The following XPNPEP3 variants were observed in gnomAD, a reference collection of about 807,000 sequenced individuals.
XPNPEP3 encodes X-prolyl aminopeptidase 3, also known as xaa-Pro aminopeptidase 3.
Under a neutral mutation model 60.0 loss-of-function variants are expected in XPNPEP3, and 41 were observed. The observed-to-expected ratio is 0.68, with a 90% CI of 0.53 to 0.89. The LOEUF (loss-of-function observed/expected upper bound fraction) is 0.89, where lower values mean the gene tolerates loss of function less well. Ranked by LOEUF, XPNPEP3 falls within the 40% of genes least tolerant of loss-of-function variation. The probability of loss-of-function intolerance (pLI) is 0.00; values close to 1 mark genes in which losing one functional copy is unlikely to be tolerated. For missense variants in XPNPEP3, 598 were observed against 638.9 expected (o/e 0.94, Z 0.69); for synonymous variants, 212 against 223.2 (o/e 0.95, Z 0.45).
rs1465777079 is a variant in XPNPEP3, at chr22:40,886,469, C to T, written c.746C>T (p.Pro249Leu). The change falls in exon 4 of 10, where the codon CCT (proline) becomes CTT (leucine). Residue 249 changes from proline (P) to leucine (L), a missense_variant. Pro to Leu is a moderately conservative substitution (Grantham distance 98). Transcript: ENST00000357137. Reference protein sequence around the residue: ...LIQRLRLIKSPAEIERMQIAG... With the variant: ...LIQRLRLIKSLAEIERMQIAG... ...CAGCGCCTCCGGCTGATCAAGTCTC[C>T]TGCAGAAATTGAACGAATGCAGATT... 2.5e-6 allele frequency: 4 copies of T among 1,613,984 alleles called. No homozygotes were observed. The Admixed American group carries it at 5.0e-5, about 20-fold the overall frequency.
chr22:40,922,576 T>C (rs2058220738), intron 8 of XPNPEP3, 63 bp downstream of exon 8: 1 of 1,564,968 alleles, frequency 6.4e-7, no homozygotes, highest in East Asian at 2.2e-5. Flanking sequence ...GTTTTTACCC[T>C]ATATAAAGCT....
chr22:40,905,431 A>G (rs563293596), intron 4 of XPNPEP3, among the ~76,000 whole-genome samples: 5 of 152,186 alleles, frequency 3.3e-5, no homozygotes, highest in Admixed American at 1.3e-4. Flanking sequence ...CTGAACACCA[A>G]CTGTGTGCCA....
intron 6 of XPNPEP3, among the ~76,000 whole-genome samples, chr22:40,912,864 C>T (rs1478064924): frequency 2.0e-5 from 3 of 151,894 alleles, no homozygotes; most frequent in Non-Finnish European, 4.4e-5. Context: ...GAGCAAGACT[C>T]CATCTCAAAA....
chr22:40,914,645 C>T (rs762548848), intron 7 of XPNPEP3, among the ~76,000 whole-genome samples: 3 of 145,656 alleles, frequency 2.1e-5, no homozygotes, highest in Non-Finnish European at 3.0e-5. Flanking sequence ...ACTGCAGCCT[C>T]GAACTCTGTC....
chr22:40,860,724 T>G (rs1413028609), intron 1 of XPNPEP3: 2 of 897,284 alleles, frequency 2.2e-6, no homozygotes, highest in Non-Finnish European at 3.4e-6. Flanking sequence ...GTGATCCCAT[T>G]ACACTGCAAC....
intron 4 of XPNPEP3, among the ~76,000 whole-genome samples, chr22:40,895,601 C>T (rs2058104773): frequency 6.6e-6 from 1 of 152,050 alleles, no homozygotes; most frequent in African/African-American, 2.4e-5. Flanking sequence ...TCCCAAAGTA[C>T]TGGGATTACA....
intron 1 of XPNPEP3, chr22:40,860,707 C>A (rs1489827568): frequency 9.6e-7 from 1 of 1,045,168 alleles, no homozygotes; most frequent in East Asian, 2.7e-5. Flanking sequence ...AGCTGGAGTG[C>A]AGTGGCGTGA....
intron 6 of XPNPEP3, among the ~76,000 whole-genome samples, chr22:40,909,797 T>TA (rs1284627255): frequency 6.6e-6 from 1 of 150,830 alleles, no homozygotes; most frequent in African/African-American, 2.4e-5. Flanking sequence ...AATAAATAAA[T>TA]ATTTAAATAT....
intron 4 of XPNPEP3, among the ~76,000 whole-genome samples, chr22:40,895,021 G>A (rs1466352202): frequency 1.3e-5 from 2 of 152,112 alleles, no homozygotes; most frequent in Non-Finnish European, 2.9e-5. Flanking sequence ...TGACCAACTC[G>A]TTCTTAACTT....
rs551011585 is a variant in XPNPEP3 at position 40,868,448 on chromosome 22, T to TG, written c.65-550dup. 1.4e-3 allele frequency among the ~76,000 whole-genome samples: 217 copies of TG among 151,348 alleles called. 1 individual carries two copies. The highest frequency in any genetic ancestry group is 5.1e-3 in the African/African-American group (209 of 40,776). ...GTGTGCGTGTGTGTGTGTGTGTGTG[T>TG]GTGTGTATGTGTATAAAATATTATA... On this transcript the variant is annotated intron_variant, in intron 1 of 9. Transcript: ENST00000357137.
chr22:40,857,307 C>T (rs941862514), intron 1 of XPNPEP3, 62 bp downstream of exon 1: 30 of 1,587,008 alleles, frequency 1.9e-5, no homozygotes, highest in Non-Finnish European at 2.1e-5. Flanking sequence ...AAGTTGGTCT[C>T]AGGCGATCCC....
chr22:40,905,884 C>T (rs2058153054), intron 4 of XPNPEP3, among the ~76,000 whole-genome samples: 1 of 152,082 alleles, frequency 6.6e-6, no homozygotes, highest in African/African-American at 2.4e-5. Flanking sequence ...CCTCTGCCTC[C>T]CAGTTCACGT....
chr22:40,893,564 T>A (rs1042909398), intron 4 of XPNPEP3, among the ~76,000 whole-genome samples: 1 of 151,268 alleles, frequency 6.6e-6, no homozygotes. Context: ...AGATATAGCC[T>A]TATTTGTATT....
chr22:40,886,630 C>T, intron 4 of XPNPEP3, 115 bp downstream of exon 4: 2 of 931,924 alleles, frequency 2.1e-6, no homozygotes, highest in Non-Finnish European at 3.3e-6. Flanking sequence ...TCGAGACCAT[C>T]CTGGCTAACA....
intron 5 of XPNPEP3, 98 bp downstream of exon 5, chr22:40,907,747 G>A: frequency 8.7e-7 from 1 of 1,149,144 alleles, no homozygotes; most frequent in Non-Finnish European, 1.3e-6. Context: ...TGATAGTGAT[G>A]ACCAGCATGT....
At chr22:40,916,034 T>G (rs1287293525) in intron 7 of XPNPEP3, among the ~76,000 whole-genome samples, 3 of 152,182 alleles carry the variant, frequency 2.0e-5, no homozygotes, top group Non-Finnish European at 2.9e-5. Flanking sequence ...GGCTCATGCC[T>G]GTAATTCTAG....
At chr22:40,899,622 C>G (rs943202924) in intron 4 of XPNPEP3, among the ~76,000 whole-genome samples, 1 of 151,902 alleles carries the variant, frequency 6.6e-6, no homozygotes, top group Non-Finnish European at 1.5e-5. Flanking sequence ...GAGATAAGAC[C>G]ATCCTGGCCA....
At chr22:40,863,642 C>T (rs2057963172) in intron 1 of XPNPEP3, among the ~76,000 whole-genome samples, 1 of 152,026 alleles carries the variant, frequency 6.6e-6, no homozygotes, top group Non-Finnish European at 1.5e-5. Flanking sequence ...TGTGGCTTAC[C>T]CATGATTATA....
intron 4 of XPNPEP3, among the ~76,000 whole-genome samples, chr22:40,899,246 T>G (rs1601509721): frequency 6.6e-6 from 1 of 152,144 alleles, no homozygotes; most frequent in East Asian, 1.9e-4. Flanking sequence ...GCCCAGTTTC[T>G]TTGGGTTAGA....
Sources: allele counts gnomAD v4.1 joint callset (sites outside exome capture counted in the v4.1 genomes callset), GRCh38; gene constraint gnomAD v4.1.1; transcripts MANE v1.5; gene names NCBI Gene and HGNC (gene_info 2026-07-23, HGNC 2026-07-21).